CTXND1: variants seen among roughly 807,000 people sequenced by gnomAD.
CTXND1 encodes cortexin domain containing 1, also known as cortexin domain-containing 1 protein.
intron 1 of CTXND1, among the ~76,000 whole-genome samples, chr15:80,229,127 A>G (rs1893402568): frequency 6.6e-6 from 1 of 152,128 alleles, no homozygotes; most frequent in Non-Finnish European, 1.5e-5. Flanking sequence ...TATGACCCTG[A>G]GCTGGGTAAG....
At chr15:80,211,539 C>A (rs1376832218) in intron 1 of CTXND1, among the ~76,000 whole-genome samples, 2 of 152,062 alleles carry the variant, frequency 1.3e-5, no homozygotes, top group African/African-American at 2.4e-5. Context: ...AATTAACAGG[C>A]CTGTCAGGGG....
At chr15:80,227,234 G>A (rs1295402150) in intron 1 of CTXND1, among the ~76,000 whole-genome samples, 4 of 152,006 alleles carry the variant, frequency 2.6e-5, no homozygotes, top group Non-Finnish European at 5.9e-5. Flanking sequence ...AAAAAAATGT[G>A]CCTCTGTTTC....
chr15:80,204,894 A>T (rs912293549), intron 1 of CTXND1, among the ~76,000 whole-genome samples: 1 of 152,152 alleles, frequency 6.6e-6, no homozygotes, highest in African/African-American at 2.4e-5. Flanking sequence ...CGTAATTAAT[A>T]GTTGTACACT....
intron 1 of CTXND1, among the ~76,000 whole-genome samples, chr15:80,240,127 G>A (rs988212858): frequency 2.0e-5 from 3 of 152,044 alleles, no homozygotes; most frequent in African/African-American, 7.2e-5. Context: ...CAACACGCTC[G>A]GCTAATTTTG....
intron 1 of CTXND1, among the ~76,000 whole-genome samples, chr15:80,233,291 T>C (rs1326611006): frequency 6.6e-6 from 1 of 152,220 alleles, no homozygotes; most frequent in Non-Finnish European, 1.5e-5. Context: ...GAGAAAATAA[T>C]ATCCCAGTGA....
At chr15:80,242,951 G>A (rs1490834263) in intron 1 of CTXND1, among the ~76,000 whole-genome samples, 2 of 152,228 alleles carry the variant, frequency 1.3e-5, no homozygotes, top group African/African-American at 2.4e-5. Flanking sequence ...TAGGCTGTGA[G>A]TTAGAATTTC....
intron 1 of CTXND1, among the ~76,000 whole-genome samples, chr15:80,250,439 T>C (rs1025622999): frequency 6.6e-6 from 1 of 152,296 alleles, no homozygotes; most frequent in African/African-American, 2.4e-5. Context: ...TGGCGAGAAA[T>C]TTGCTATAAT....
intron 1 of CTXND1, among the ~76,000 whole-genome samples, chr15:80,204,229 CAT>C (rs1307077215): frequency 7.9e-6 from 1 of 127,210 alleles, no homozygotes. Context: ...TGCACACACA[CAT>C]ATATATTTAT....
At chr15:80,244,042 T>C (rs1893600979) in intron 1 of CTXND1, among the ~76,000 whole-genome samples, 1 of 152,172 alleles carries the variant, frequency 6.6e-6, no homozygotes, top group South Asian at 2.1e-4. Flanking sequence ...ATCTCCTCCA[T>C]CTCCTGCATC....
intron 1 of CTXND1, among the ~76,000 whole-genome samples, chr15:80,229,770 G>A (rs1183588061): frequency 5.3e-5 from 8 of 152,170 alleles, no homozygotes; most frequent in African/African-American, 1.4e-4. Context: ...CTGGTATAGC[G>A]TGCTTTGGGC....
chr15:80,234,260 G>A (rs933441886), intron 1 of CTXND1, among the ~76,000 whole-genome samples: 2 of 152,134 alleles, frequency 1.3e-5, no homozygotes, highest in Admixed American at 6.5e-5. Context: ...GAGGCTGTTC[G>A]TCTGAGACCA....
At chr15:80,233,984 C>T (rs1893462534) in intron 1 of CTXND1, among the ~76,000 whole-genome samples, 1 of 152,168 alleles carries the variant, frequency 6.6e-6, no homozygotes, top group Admixed American at 6.5e-5. Context: ...CTCCTCCATT[C>T]CCATTAACAG....
At chr15:80,226,427 G>A (rs779067932) in intron 1 of CTXND1, among the ~76,000 whole-genome samples, 5 of 152,146 alleles carry the variant, frequency 3.3e-5, no homozygotes, top group Non-Finnish European at 7.4e-5. Context: ...CTCAGTATCT[G>A]CTGTAACGGC....
chr15:80,221,954 C>T (rs1893323843), intron 1 of CTXND1, among the ~76,000 whole-genome samples: 1 of 151,964 alleles, frequency 6.6e-6, no homozygotes, highest in Admixed American at 6.6e-5. Flanking sequence ...TTCATTGCAC[C>T]GTGGTCAGAG....
chr15:80,230,733 G>A (rs898398050), intron 1 of CTXND1, among the ~76,000 whole-genome samples: 13 of 152,062 alleles, frequency 8.5e-5, no homozygotes, highest in African/African-American at 3.1e-4. Flanking sequence ...CAAAGTATGG[G>A]TATTTAAAAG....
intron 1 of CTXND1, among the ~76,000 whole-genome samples, chr15:80,233,086 C>T (rs1304298140): frequency 1.1e-4 from 16 of 151,884 alleles, no homozygotes; most frequent in African/African-American, 2.9e-4. Context: ...GGATTATAGG[C>T]GCCCACCACC....
In CTXND1 at chr15:80,224,888, C is replaced by T. The variant is rs898235795; in HGVS notation, c.-217-21148G>A. Among the ~76,000 whole-genome samples, 5 of 152,196 alleles carry T rather than the reference C, an allele frequency of 3.3e-5. No individual in the cohort carries two copies. The South Asian group carries it at 1.0e-3, about 31-fold the overall frequency. On this transcript the variant is annotated intron_variant, in intron 1 of 2. Coordinates refer to ENST00000560778, the MANE Select transcript of CTXND1 (RefSeq NM_001352888.2). ...CCTCCCAAGCAGCCGAGATTACAGG[C>T]AGCCGCCACCATGTGGGGCAAATTT...
intron 1 of CTXND1, among the ~76,000 whole-genome samples, chr15:80,206,091 G>A (rs759266313): frequency 1.4e-4 from 22 of 152,052 alleles, no homozygotes; most frequent in Non-Finnish European, 2.6e-4. Flanking sequence ...TTAACGTTTT[G>A]CTGCATTTTA....
Position 80,201,023 on chromosome 15 carries a change from T to TA in CTXND1, c.*746dup, listed in dbSNP as rs1330944852. 1.3e-5 allele frequency: 2 copies of TA among 152,120 alleles called. No homozygotes were observed. The highest frequency in any genetic ancestry group is 2.9e-5 in the Non-Finnish European group (2 of 68,002). The allele number at this position is 152,120 out of a possible 1,614,324, so 9.4% of individuals were successfully genotyped here. A position where few individuals can be genotyped will look rare whatever the true frequency, so the allele number is the denominator to read the frequency against. On this transcript the variant is annotated 3_prime_UTR_variant, in exon 3 of 3. Coordinates refer to ENST00000560778, the MANE Select transcript of CTXND1 (RefSeq NM_001352888.2). ...ATCATGCACAGAGTATGAATTTGAC[T>TA]AAAAAATACAAGTAAAAAGGCTGGA... is the stretch of plus-strand genomic sequence containing the variant.
Sources: allele counts gnomAD v4.1 joint callset (sites outside exome capture counted in the v4.1 genomes callset), GRCh38; gene constraint gnomAD v4.1.1; transcripts MANE v1.5; gene names NCBI Gene and HGNC (gene_info 2026-07-23, HGNC 2026-07-21).